Variants in PANK2 observed in about 807,000 individuals in gnomAD.
PANK2 encodes the protein pantothenate kinase 2, mitochondrial.
A neutral mutation model predicts 43.1 loss-of-function variants in PANK2; 36 were observed. That is an observed-to-expected ratio of 0.84 (90% confidence interval 0.64 to 1.10). PANK2 has a LOEUF of 1.10. PANK2 is among the 50% of genes least tolerant of loss of function. The pLI, the probability that PANK2 is intolerant of heterozygous loss-of-function variation, is 0.00. For missense variants in PANK2, 576 were observed against 593.3 expected (o/e 0.97, Z 0.30); for synonymous variants, 281 against 238.2 (o/e 1.18, Z -1.66).
Position 3,908,184 on chromosome 20 carries a change from T to C in PANK2, c.557T>C (p.Ile186Thr), listed in dbSNP as rs2090417766. Residue 186 changes from isoleucine (I) to threonine (T), a missense_variant, in exon 2 of 7, where the codon ATT (isoleucine) becomes ACT (threonine). Ile to Thr is a moderately conservative substitution (Grantham distance 89). This residue lies in a region of PANK2 where 544 missense variants were observed against 528.9 expected (regional missense o/e 1.03). Coordinates refer to ENST00000610179, the MANE Select transcript of PANK2 (RefSeq NM_001386393.1). ...CCCACTCATGACATGCCTGCTTTTA[T>C]TCAAATGGGCAGAGATAAAAACTTC... 6.2e-7 allele frequency: 1 copy of C among 1,614,058 alleles called. No homozygotes were observed. Among genetic ancestry groups the C allele is most frequent in the Admixed American group, 1.7e-5 (1 of 60,008 alleles).
chr20:3,888,946 GGCCAGACGC>G, upstream of PANK2: 3 of 569,404 alleles, frequency 5.3e-6, no homozygotes, highest in Admixed American at 3.3e-5. Context: ...GACGACCAGC[GGCCAGACGC>G]TGCGGGAGCA....
chr20:3,896,266 G>A (rs2146826988), intron 1 of PANK2, among the ~76,000 whole-genome samples: 1 of 138,398 alleles, frequency 7.2e-6, no homozygotes, highest in Non-Finnish European at 1.5e-5. Context: ...TTTTAGTAGA[G>A]ACGGGGTTTC....
At chr20:3,898,731 A>G (rs1447967989) in intron 1 of PANK2, among the ~76,000 whole-genome samples, 1 of 152,068 alleles carries the variant, frequency 6.6e-6, no homozygotes, top group Non-Finnish European at 1.5e-5. Flanking sequence ...GAAGTTTTGC[A>G]GTAAGTGAAT....
At chr20:3,906,666 A>T (rs11905666) in intron 1 of PANK2, among the ~76,000 whole-genome samples, 2,392 of 147,460 alleles carry the variant, frequency 0.016, 26 homozygotes, top group Admixed American at 0.029. Flanking sequence ...AATAAAAAAA[A>T]CAATAAATAC....
At position 3,908,067 on chromosome 20, in the gene PANK2, C is replaced by CCT. The variant is rs1375490128; in HGVS notation, c.440_441insCT (p.Tyr148PhefsTer14). On this transcript the variant is annotated frameshift_variant, in exon 2 of 7. Transcript: ENST00000610179. LOFTEE classifies it high-confidence loss of function. The stretch of plus-strand genomic sequence containing the variant: ...CGGAAGTACCTGACCTCCAATGTGG[C>CCT]TTATGGGTCTACAGGCATTCGGGAC... 39 of 1,614,040 alleles carry CCT rather than the reference C, an allele frequency of 2.4e-5. No homozygotes were observed. The highest frequency in any genetic ancestry group is 3.3e-5 in the Non-Finnish European group (39 of 1,180,050).
Position 3,922,384 on chromosome 20 carries a change from C to A in PANK2, c.1333-860C>A, listed in dbSNP as rs71647854. On this transcript the variant is annotated intron_variant, in intron 6 of 6. Coordinates refer to ENST00000610179, the MANE Select transcript of PANK2 (RefSeq NM_001386393.1). ...TTGGTTGCATGTGACCTGACTGCTT[C>A]TGGAGACAGTACAGTGCTTGTCGTC... is the stretch of plus-strand genomic sequence containing the variant. Among the ~76,000 whole-genome samples the A allele has an allele frequency of 7.2e-5, 11 of 152,340 alleles. No homozygotes were observed. In the East Asian group the frequency reaches 2.1e-3, roughly 29 times the overall value.
chr20:3,896,774 C>T (rs367563170), intron 1 of PANK2, among the ~76,000 whole-genome samples: 1 of 152,120 alleles, frequency 6.6e-6, no homozygotes, highest in Non-Finnish European at 1.5e-5. Flanking sequence ...ACAGAAGTTC[C>T]GTGTCCCTCC....
intron 6 of PANK2, among the ~76,000 whole-genome samples, chr20:3,922,871 G>C (rs1455386255): frequency 1.3e-5 from 2 of 152,084 alleles, no homozygotes; most frequent in Non-Finnish European, 2.9e-5. Flanking sequence ...TCATTCCTTA[G>C]TTGTCTGGAA....
intron 4 of PANK2, among the ~76,000 whole-genome samples, chr20:3,913,053 G>A (rs2090494265): frequency 6.6e-6 from 1 of 151,674 alleles, no homozygotes; most frequent in Non-Finnish European, 1.5e-5. Context: ...ACAATTTAGT[G>A]GTTTCTAGTA....
At chr20:3,889,861 T>C (rs1302344418) in intron 1 of PANK2, 133 bp downstream of exon 1, 1 of 1,530,676 alleles carries the variant, frequency 6.5e-7, no homozygotes, top group East Asian at 2.4e-5. Flanking sequence ...CGTTGGTGCG[T>C]GGCCTGACAT....
intron 4 of PANK2, among the ~76,000 whole-genome samples, chr20:3,913,655 G>A (rs1030913473): frequency 2.0e-5 from 3 of 149,442 alleles, no homozygotes; most frequent in African/African-American, 7.4e-5. Flanking sequence ...ATTTCATTAC[G>A]TGGATAATAC....
At chr20:3,916,712 C>T (rs554337115) in intron 4 of PANK2, among the ~76,000 whole-genome samples, 5 of 152,208 alleles carry the variant, frequency 3.3e-5, no homozygotes, top group South Asian at 2.1e-4. Flanking sequence ...CAGTAGAAAC[C>T]GCAGGGAAAG....
At chr20:3,902,655 A>C (rs1487597756) in intron 1 of PANK2, among the ~76,000 whole-genome samples, 1 of 151,160 alleles carries the variant, frequency 6.6e-6, no homozygotes, top group African/African-American at 2.4e-5. Flanking sequence ...TCCTGGCTTC[A>C]AGTGATCCTC....
intron 3 of PANK2, among the ~76,000 whole-genome samples, chr20:3,911,203 G>T (rs527799306): frequency 3.3e-5 from 5 of 152,352 alleles, no homozygotes; most frequent in African/African-American, 1.2e-4. Context: ...ACACATGTGT[G>T]TGTAGAATAA....
intron 6 of PANK2, among the ~76,000 whole-genome samples, chr20:3,922,693 C>T (rs1320949264): frequency 2.0e-5 from 3 of 152,124 alleles, no homozygotes; most frequent in African/African-American, 7.2e-5. Context: ...TGTCCCCTTT[C>T]TCGGGGATGC....
rs866841873 is a variant in PANK2, at chr20:3,917,422, G to A, written c.1206+372G>A. Reference sequence around the variant, plus strand: ...TAGGGAGGAATCCAGAGGAAGTCACGGAAGCTGGGAGAAGACTGAGCAGGC... The same window carrying A: ...TAGGGAGGAATCCAGAGGAAGTCACAGAAGCTGGGAGAAGACTGAGCAGGC... On this transcript the variant is annotated intron_variant, in intron 5 of 6. Transcript: ENST00000610179. The A allele has an allele frequency of 1.3e-5, 7 of 534,920 alleles. 1 individual carries two copies. Among genetic ancestry groups the A allele is most frequent in the Admixed American group, 5.8e-5 (3 of 51,548 alleles). 33.1% of individuals were successfully genotyped at this position (534,920 alleles called of 1,614,324 possible).
chr20:3,904,416 C>G (rs2090353001), intron 1 of PANK2, among the ~76,000 whole-genome samples: 1 of 151,714 alleles, frequency 6.6e-6, no homozygotes, highest in Non-Finnish European at 1.5e-5. Context: ...CCTTGTCTCT[C>G]CAAAATAGCT....
At chr20:3,894,913 A>T (rs1423023155) in intron 1 of PANK2, among the ~76,000 whole-genome samples, 1 of 152,166 alleles carries the variant, frequency 6.6e-6, no homozygotes, top group Non-Finnish European at 1.5e-5. Context: ...GTTGGATAAT[A>T]TGGTTGTTTA....
intron 1 of PANK2, among the ~76,000 whole-genome samples, chr20:3,895,497 T>TTC (rs10668324): frequency 7.9e-6 from 1 of 126,358 alleles, no homozygotes; most frequent in Non-Finnish European, 1.7e-5. Flanking sequence ...TTTTTTTTTT[T>TTC]CTTTTTTTTT....
Sources: allele counts gnomAD v4.1 joint callset (sites outside exome capture counted in the v4.1 genomes callset), GRCh38; gene constraint gnomAD v4.1.1; regional missense constraint gnomAD v4.1.1; transcripts MANE v1.5; gene names NCBI Gene and HGNC (gene_info 2026-07-23, HGNC 2026-07-21).